Variants in FTO observed in about 807,000 individuals in gnomAD.
The protein encoded by FTO is FTO alpha-ketoglutarate dependent dioxygenase, also known as alpha-ketoglutarate-dependent dioxygenase FTO.
In FTO, 47 loss-of-function variants were observed where a neutral mutation model predicts 63.9. That is an observed-to-expected ratio of 0.74 (90% CI 0.58 to 0.94). The LOEUF (loss-of-function observed/expected upper bound fraction) is 0.94, where lower values mean the gene tolerates loss of function less well. Ranked by LOEUF, FTO falls within the 40% of genes least tolerant of loss-of-function variation. The pLI is 0.00. For missense variants in FTO, 562 were observed against 618.1 expected (o/e 0.91, Z 0.96); for synonymous variants, 207 against 224.4 (o/e 0.92, Z 0.69).
chr16:53,968,450 C>T (rs2083243858), intron 8 of FTO, among the ~76,000 whole-genome samples: 1 of 152,134 alleles, frequency 6.6e-6, no homozygotes, highest in Admixed American at 6.6e-5. Flanking sequence ...TCATCGCCAC[C>T]CTCCTCCAGA....
At chr16:53,739,357 C>T (rs1188207945) in intron 1 of FTO, among the ~76,000 whole-genome samples, 22 of 151,372 alleles carry the variant, frequency 1.5e-4, no homozygotes, top group South Asian at 6.2e-4. Flanking sequence ...AGGCGCCCGC[C>T]ACCACACCTG....
chr16:54,028,816 T>C (rs1452817055), intron 8 of FTO, among the ~76,000 whole-genome samples: 1 of 152,182 alleles, frequency 6.6e-6, no homozygotes, highest in Non-Finnish European at 1.5e-5. Flanking sequence ...GGGATCATTT[T>C]ATAGAGGAGT....
chr16:53,788,244 C>T (rs938122386), intron 1 of FTO, among the ~76,000 whole-genome samples: 13 of 140,944 alleles, frequency 9.2e-5, no homozygotes, highest in Non-Finnish European at 1.7e-4. Flanking sequence ...TTTATTCTTT[C>T]TCTACTCTTA....
At chr16:53,789,826 A>G (rs2077851182) in intron 1 of FTO, among the ~76,000 whole-genome samples, 1 of 149,510 alleles carries the variant, frequency 6.7e-6, no homozygotes, top group African/African-American at 2.4e-5. Context: ...ATAAACATGT[A>G]TATGTATGTA....
intron 8 of FTO, among the ~76,000 whole-genome samples, chr16:53,945,590 C>T (rs1356481749): frequency 8.5e-5 from 13 of 152,202 alleles, no homozygotes; most frequent in African/African-American, 3.1e-4. Context: ...ACATGTTTTA[C>T]ACTTTTTAGT....
chr16:54,054,809 AT>A (rs1305195134), intron 8 of FTO, among the ~76,000 whole-genome samples: 2 of 152,242 alleles, frequency 1.3e-5, no homozygotes, highest in Admixed American at 1.3e-4. Context: ...AGTGAAAGAT[AT>A]TTGTAATCAT....
At chr16:53,948,075 G>A (rs922735495) in intron 8 of FTO, among the ~76,000 whole-genome samples, 1 of 152,214 alleles carries the variant, frequency 6.6e-6, no homozygotes, top group Non-Finnish European at 1.5e-5. Context: ...TGTAAAGTAA[G>A]AGAGCCATTC....
intron 1 of FTO, among the ~76,000 whole-genome samples, chr16:53,731,689 C>G (rs994151230): frequency 6.6e-6 from 1 of 151,670 alleles, no homozygotes; most frequent in Non-Finnish European, 1.5e-5. Flanking sequence ...CTCAGCCTCC[C>G]GAGTAGCTGG....
chr16:53,932,465 T>G (rs1374275971), intron 7 of FTO, among the ~76,000 whole-genome samples: 1 of 150,726 alleles, frequency 6.6e-6, no homozygotes, highest in Non-Finnish European at 1.5e-5. Context: ...TCTCAGCTCA[T>G]GCAAACTCCA....
rs1008324816 is a variant in FTO, at chr16:53,844,428, T to C, written c.895+130T>C. The C allele has an allele frequency of 4.2e-5, 31 of 741,204 alleles. No homozygotes were observed. In the Admixed American group the frequency reaches 4.2e-4, roughly 10 times the overall value. The allele number at this position is 741,204 out of a possible 1,614,324, so 45.9% of individuals were successfully genotyped here. On this transcript the variant is annotated intron_variant, in intron 4 of 8. Coordinates refer to ENST00000471389, the MANE Select transcript of FTO (RefSeq NM_001080432.3). ...TTATATTAAGAGCGAAACTTCTTTA[T>C]AAGAACATGTAACTAGGTTTTTCTT... is the stretch of plus-strand genomic sequence containing the variant.
intron 1 of FTO, among the ~76,000 whole-genome samples, chr16:53,785,234 T>C (rs926086609): frequency 3.3e-5 from 5 of 152,106 alleles, no homozygotes; most frequent in Non-Finnish European, 5.9e-5. Context: ...TGCCAGTGCA[T>C]ATGAAGAGGG....
intron 8 of FTO, among the ~76,000 whole-genome samples, chr16:53,953,628 T>G (rs1202129917): frequency 6.6e-6 from 1 of 152,200 alleles, no homozygotes; most frequent in African/African-American, 2.4e-5. Context: ...TTACCATATG[T>G]TTCCATAACA....
chr16:53,835,945 C>A (rs976997361), intron 3 of FTO, among the ~76,000 whole-genome samples: 2 of 145,082 alleles, frequency 1.4e-5, no homozygotes, highest in African/African-American at 5.2e-5. Context: ...GGCTGGTGTG[C>A]AATGGCACAA....
chr16:54,063,994 A>C (rs1281957825), intron 8 of FTO: 1 of 147,506 alleles, frequency 6.8e-6, no homozygotes, highest in Non-Finnish European at 1.5e-5. Context: ...TTTTCAAATG[A>C]GTCTTCTTGT....
intron 2 of FTO, chr16:53,814,583 T>TG (rs992203355): frequency 1.1e-4 from 17 of 152,416 alleles, no homozygotes; most frequent in African/African-American, 3.8e-4. Context: ...TGTTGGCTTT[T>TG]GGGTCTCCAC....
At chr16:53,726,397 G>T (rs2076154277) in intron 1 of FTO, among the ~76,000 whole-genome samples, 2 of 152,062 alleles carry the variant, frequency 1.3e-5, no homozygotes, top group Admixed American at 1.3e-4. Context: ...GTGCCATTTT[G>T]AATTAGAAAC....
chr16:53,832,930 A>T (rs907095414), intron 3 of FTO, among the ~76,000 whole-genome samples: 11 of 152,146 alleles, frequency 7.2e-5, no homozygotes, highest in Non-Finnish European at 1.3e-4. Context: ...TGTAAGTGGA[A>T]TCATACAATA....
At chr16:54,025,014 G>A (rs1190880231) in intron 8 of FTO, among the ~76,000 whole-genome samples, 1 of 152,166 alleles carries the variant, frequency 6.6e-6, no homozygotes, top group East Asian at 1.9e-4. Context: ...AGTCTGTAAG[G>A]TAGAGGCTTT....
chr16:53,889,722 A>AG (rs2081099305), intron 7 of FTO, among the ~76,000 whole-genome samples: 1 of 152,116 alleles, frequency 6.6e-6, no homozygotes, highest in Admixed American at 6.6e-5. Context: ...CAAGGCCAGA[A>AG]GTCAGGTGTG....
Sources: gnomAD v4.1 joint callset for allele counts (sites outside exome capture counted in the v4.1 genomes callset) on GRCh38, gnomAD v4.1.1 for gene constraint, MANE v1.5 for transcripts, NCBI Gene and HGNC (gene_info 2026-07-23, HGNC 2026-07-21) for gene names.